Variants in SNAPC4 observed in about 807,000 individuals in gnomAD.
SNAPC4 encodes the protein small nuclear RNA activating complex polypeptide 4.
A neutral mutation model predicts 151.3 loss-of-function variants in SNAPC4; 127 were observed. The ratio of observed to expected loss-of-function variants is 0.84; its 90% CI spans 0.73 to 0.97. The LOEUF is 0.97. Among genes scored for constraint, SNAPC4 ranks in the 50% least tolerant of loss-of-function variants. The probability of loss-of-function intolerance (pLI) is 0.00; values close to 1 mark genes in which losing one functional copy is unlikely to be tolerated. For missense variants in SNAPC4, 2,186 were observed against 1,935.0 expected, an observed-to-expected ratio of 1.13 and a Z score of -2.43; for synonymous variants, 1,002 against 824.4, an observed-to-expected ratio of 1.22 and a Z score of -3.69.
In SNAPC4 at chr9:136,383,166, C is replaced by T. The variant is rs770121382; in HGVS notation, c.1983+20G>A. On this transcript the variant is annotated intron_variant, in intron 16 of 23. Transcript: ENST00000684778. The surrounding 1 kb of genome is among the most constrained non-coding windows in gnomAD (Gnocchi z 4.2). ...TGCCGAAAGTGCACTTCCCGTGGTA[C>T]ACCCAGGGCCGGGGCCTACCTCCAG... The T allele has an allele frequency of 1.3e-6, 2 of 1,515,900 alleles. No individual in the cohort carries two copies. Among genetic ancestry groups the T allele is most frequent in the East Asian group, 2.3e-5 (1 of 43,942 alleles). 93.9% of individuals were successfully genotyped at this position (1,515,900 alleles called of 1,614,324 possible). A position where few individuals can be genotyped will look rare whatever the true frequency, so the allele number is the denominator to read the frequency against.
Position 136,388,441 on chromosome 9 carries a change from C to G in SNAPC4, c.1123+3G>C. 1 of 1,612,134 alleles carries G rather than the reference C, an allele frequency of 6.2e-7. No homozygotes were observed. Among genetic ancestry groups the G allele is most frequent in the South Asian group, 1.1e-5 (1 of 91,056 alleles). ...GAGAGCCGTCGGGGTGGAGGGGCCT[C>G]ACTTCTGCGGTAGGGGATGTGGCTG... On this transcript the variant is annotated splice_donor_region_variant and intron_variant, in intron 11 of 23. Coordinates refer to ENST00000684778, the MANE Select transcript of SNAPC4 (RefSeq NM_003086.4).
chr9:136,396,907 CT>C (rs1834293355), intron 3 of SNAPC4, 69 bp downstream of exon 3: 6 of 1,276,728 alleles, frequency 4.7e-6, no homozygotes, highest in Non-Finnish European at 5.7e-6. Flanking sequence ...ACCACGCCCC[CT>C]CCCAGGCTAC....
intron 14 of SNAPC4, 61 bp downstream of exon 14, chr9:136,384,659 C>G: frequency 1.1e-6 from 1 of 915,442 alleles, no homozygotes; most frequent in Non-Finnish European, 1.7e-6. Context: ...ATCTTGATCT[C>G]TTTTCTAAGA....
At chr9:136,387,098 C>T (rs577601933) in intron 13 of SNAPC4, among the ~76,000 whole-genome samples, 98 of 152,346 alleles carry the variant, frequency 6.4e-4, no homozygotes, top group African/African-American at 2.0e-3. Flanking sequence ...ATTATCTCAA[C>T]GAAGCTGTTT....
At chr9:136,380,495 C>G (rs941834708) in intron 20 of SNAPC4, among the ~76,000 whole-genome samples, 1 of 152,356 alleles carries the variant, frequency 6.6e-6, no homozygotes, top group South Asian at 2.1e-4. Flanking sequence ...GCGCCCATGT[C>G]CATGACCGCC....
intron 7 of SNAPC4, 45 bp downstream of exon 7, chr9:136,394,204 A>G (rs769010178): frequency 1.4e-5 from 21 of 1,490,446 alleles, no homozygotes; most frequent in Non-Finnish European, 2.0e-5. Context: ...CATGAGCCCT[A>G]TGCCCAGCCT....
chr9:136,394,669 G>T, intron 6 of SNAPC4, 131 bp downstream of exon 6: 1 of 789,750 alleles, frequency 1.3e-6, no homozygotes, highest in Non-Finnish European at 2.1e-6. Context: ...AGTCCCAGTG[G>T]TCAAGGCCTG....
Position 136,395,218 on chromosome 9 carries a change from C to A in SNAPC4, c.471+80G>T, listed in dbSNP as rs573529612. On this transcript the variant is annotated intron_variant, in intron 5 of 23. Transcript: ENST00000684778. ...CTTGAACTCACAGGAATTCACGACT[C>A]CCTGCAGCAGGACTTGGGGACAAGA... 7 of 1,524,662 alleles carry A rather than the reference C, an allele frequency of 4.6e-6. No individual in the cohort carries two copies. In the African/African-American group the frequency reaches 8.2e-5, roughly 18 times the overall value. 94.4% of individuals were successfully genotyped at this position (1,524,662 alleles called of 1,614,324 possible).
intron 13 of SNAPC4, among the ~76,000 whole-genome samples, 189 bp from the exon 14 acceptor site, chr9:136,385,003 A>G (rs1426501093): frequency 1.3e-5 from 2 of 152,260 alleles, no homozygotes; most frequent in Non-Finnish European, 2.9e-5. Flanking sequence ...AAAAAAGTAG[A>G]AAGTGTACAG....
chr9:136,376,797 G>A (rs762914749), intron 22 of SNAPC4, among the ~76,000 whole-genome samples: 2 of 152,298 alleles, frequency 1.3e-5, no homozygotes, highest in South Asian at 4.1e-4. Flanking sequence ...CTGGCTGGCC[G>A]GGGTCCTCCC....
At chr9:136,387,425 G>T in intron 13 of SNAPC4, 60 bp downstream of exon 13, 1 of 1,193,176 alleles carries the variant, frequency 8.4e-7, no homozygotes, top group Non-Finnish European at 1.2e-6. Context: ...GCCCACACCA[G>T]AGTGCACCTG....
At chr9:136,391,646 TG>T (rs1158644752) in intron 10 of SNAPC4, among the ~76,000 whole-genome samples, 1 of 152,148 alleles carries the variant, frequency 6.6e-6, no homozygotes, top group Non-Finnish European at 1.5e-5. Flanking sequence ...CCGAGGCTGA[TG>T]GAGACAGAAG....
chr9:136,379,686 C>T (rs1449600179), intron 21 of SNAPC4, 151 bp downstream of exon 21: 9 of 773,334 alleles, frequency 1.2e-5, no homozygotes, highest in East Asian at 2.7e-5. Context: ...GGACTCTCAT[C>T]CCTGTGGTGG....
At chr9:136,393,794 G>A (rs1305132574) in intron 7 of SNAPC4, among the ~76,000 whole-genome samples, 1 of 152,266 alleles carries the variant, frequency 6.6e-6, no homozygotes, top group Non-Finnish European at 1.5e-5. Context: ...GGGGCATAAA[G>A]TCCAGGCATG....
At chr9:136,399,667 C>T (rs940659131) in intron 1 of SNAPC4, among the ~76,000 whole-genome samples, 2 of 152,200 alleles carry the variant, frequency 1.3e-5, no homozygotes, top group Non-Finnish European at 2.9e-5. Context: ...CCAGCCCCAG[C>T]TGCGGGGACG....
At chr9:136,396,888 T>C (rs1834292697) in intron 3 of SNAPC4, 89 bp downstream of exon 3, 1 of 963,694 alleles carries the variant, frequency 1.0e-6, no homozygotes, top group African/African-American at 1.6e-5. Flanking sequence ...AAAACCAATA[T>C]GGGTTCAAAC....
At chr9:136,394,735 G>A in intron 6 of SNAPC4, 65 bp downstream of exon 6, 2 of 1,423,074 alleles carry the variant, frequency 1.4e-6, no homozygotes, top group Non-Finnish European at 2.0e-6. Context: ...AGAAACTGGG[G>A]AAAGGAGGGC....
chr9:136,396,235 A>C (rs186248494), intron 3 of SNAPC4, among the ~76,000 whole-genome samples: 57 of 152,376 alleles, frequency 3.7e-4, no homozygotes, highest in African/African-American at 1.3e-3. Context: ...AGGCTACAGC[A>C]GGGTGCTCAC....
At chr9:136,385,786 C>A (rs182225204) in intron 13 of SNAPC4, among the ~76,000 whole-genome samples, 18 of 152,260 alleles carry the variant, frequency 1.2e-4, no homozygotes, top group Non-Finnish European at 1.0e-4. Flanking sequence ...GAACTCCTGA[C>A]CTCATGATCT....
Sources: gnomAD v4.1 joint callset for allele counts (sites outside exome capture counted in the v4.1 genomes callset) on GRCh38, gnomAD v4.1.1 for gene constraint, Gnocchi (gnomAD v3.1) non-coding constraint, MANE v1.5 for transcripts, NCBI Gene and HGNC (gene_info 2026-07-23, HGNC 2026-07-21) for gene names.